DRC9: variants seen among roughly 807,000 people sequenced by gnomAD.
DRC9 encodes the protein dynein regulatory complex protein 9.
chr3:197,913,396 C>G, the DRC9 span: 1 of 259,906 alleles, frequency 3.8e-6, no homozygotes, highest in African/African-American at 2.3e-5. Context: ...CAAAGAAGAT[C>G]TACCACTTCT....
the DRC9 span, chr3:197,913,674 G>T: frequency 1.6e-6 from 1 of 637,580 alleles, no homozygotes; most frequent in African/African-American, 1.8e-5. Context: ...TATGAGGCGG[G>T]AGATGGAGGC....
the DRC9 span, among the ~76,000 whole-genome samples, chr3:197,907,448 T>C: frequency 2.6e-5 from 4 of 152,232 alleles, 1 homozygote; most frequent in Non-Finnish European, 4.4e-5. Context: ...CCAGACTCTC[T>C]GGTAAGTGCA....
At chr3:197,920,353 A>G in the DRC9 span, among the ~76,000 whole-genome samples, 3 of 151,288 alleles carry the variant, frequency 2.0e-5, no homozygotes, top group African/African-American at 7.3e-5. Flanking sequence ...AGGTAGGACT[A>G]GTTACTTGGG....
At chr3:197,890,798 T>G in the DRC9 span, among the ~76,000 whole-genome samples, 5 of 152,208 alleles carry the variant, frequency 3.3e-5, no homozygotes, top group African/African-American at 1.2e-4. Context: ...GGATACCTGG[T>G]CCAGAATGTG....
chr3:197,953,278 A>G, the DRC9 span, among the ~76,000 whole-genome samples: 1 of 152,182 alleles, frequency 6.6e-6, no homozygotes, highest in African/African-American at 2.4e-5. Flanking sequence ...TGAGAGCCCT[A>G]GGTGGGAGGA....
chr3:197,917,709 C>T, the DRC9 span, among the ~76,000 whole-genome samples: 1 of 151,420 alleles, frequency 6.6e-6, no homozygotes, highest in African/African-American at 2.4e-5. Context: ...CTTCCCTTCT[C>T]CCCTGTCTTC....
the DRC9 span, chr3:197,950,478 G>C: frequency 0.056 from 24,044 of 426,926 alleles, 922 homozygotes; most frequent in African/African-American, 0.13. Flanking sequence ...TTTTGTTCGT[G>C]TGCAGTTGTC....
chr3:197,949,209 G>T, the DRC9 span, among the ~76,000 whole-genome samples: 1 of 152,148 alleles, frequency 6.6e-6, no homozygotes, highest in African/African-American at 2.4e-5. Flanking sequence ...GTTTACTGCC[G>T]TGTCATCTTA....
the DRC9 span, chr3:197,913,076 T>A: frequency 3.8e-6 from 1 of 261,746 alleles, no homozygotes; most frequent in East Asian, 1.0e-4. Context: ...AGTGTTGACG[T>A]GGCCTTGAGC....
chr3:197,903,567 C>A, the DRC9 span, among the ~76,000 whole-genome samples: 1 of 152,124 alleles, frequency 6.6e-6, no homozygotes, highest in Non-Finnish European at 1.5e-5. Context: ...ACCCAGGAGG[C>A]GGAGGTCGCA....
At chr3:197,923,516 G>GAT in the DRC9 span, among the ~76,000 whole-genome samples, 1 of 152,158 alleles carries the variant, frequency 6.6e-6, no homozygotes, top group Non-Finnish European at 1.5e-5. Context: ...GATCACTTGA[G>GAT]CTCAGGAGTT....
the DRC9 span, among the ~76,000 whole-genome samples, chr3:197,941,978 T>C: frequency 6.6e-6 from 1 of 152,194 alleles, no homozygotes; most frequent in Non-Finnish European, 1.5e-5. Context: ...TCCTTATCTG[T>C]TTGCCCTTCA....
At chr3:197,928,700 A>C in the DRC9 span, among the ~76,000 whole-genome samples, 6 of 152,324 alleles carry the variant, frequency 3.9e-5, no homozygotes, top group African/African-American at 1.4e-4. Context: ...AAATAATGAA[A>C]GGTGTAAACC....
the DRC9 span, among the ~76,000 whole-genome samples, chr3:197,928,739 A>G: frequency 2.0e-5 from 3 of 152,250 alleles, no homozygotes; most frequent in South Asian, 2.1e-4. Context: ...GGGAGAAGAA[A>G]TGATGCAGCT....
chr3:197,950,828 A>G, the DRC9 span: 2 of 956,334 alleles, frequency 2.1e-6, no homozygotes, highest in Non-Finnish European at 3.3e-6. Flanking sequence ...GAACTCCTAC[A>G]TGAAACTCCC....
chr3:197,951,751 G>A, the DRC9 span: 1 of 191,052 alleles, frequency 5.2e-6, no homozygotes, highest in Non-Finnish European at 1.1e-5. Context: ...CAGGTTGGAG[G>A]GCAGTAGCGC....
chr3:197,900,897 C>T, the DRC9 span, among the ~76,000 whole-genome samples: 1 of 152,312 alleles, frequency 6.6e-6, no homozygotes, highest in East Asian at 1.9e-4. The surrounding 1 kb of genome is among the most constrained non-coding windows in gnomAD (Gnocchi z 4.7). Flanking sequence ...GATTCATCAT[C>T]TACTGACGAA....
chr3:197,891,915 T>C, the DRC9 span, among the ~76,000 whole-genome samples: 19 of 152,294 alleles, frequency 1.2e-4, 1 homozygote, highest in African/African-American at 4.6e-4. Flanking sequence ...AGACAGAGTC[T>C]CACTCTGTCT....
At chr3:197,944,025 G>A in the DRC9 span, 3 of 1,613,940 alleles carry the variant, frequency 1.9e-6, no homozygotes, top group African/African-American at 4.0e-5. Flanking sequence ...AACTTTTGGA[G>A]GAAGGTTTGA....
Sources: allele counts gnomAD v4.1 joint callset (sites outside exome capture counted in the v4.1 genomes callset), GRCh38; gene constraint gnomAD v4.1.1; non-coding constraint Gnocchi (gnomAD v3.1); transcripts MANE v1.5; gene names NCBI Gene and HGNC (gene_info 2026-07-23, HGNC 2026-07-21).